The following TNFRSF19 variants were observed in gnomAD, a reference collection of about 807,000 sequenced individuals.
TNFRSF19 encodes the protein TNF receptor superfamily member 19, also known as tumor necrosis factor receptor superfamily member 19.
A neutral mutation model predicts 46.4 loss-of-function variants in TNFRSF19; 27 were observed. That is an observed-to-expected ratio of 0.58 (90% confidence interval 0.43 to 0.80). TNFRSF19 has a LOEUF of 0.80. Among genes scored for constraint, TNFRSF19 ranks in the 30% least tolerant of loss-of-function variants. The probability of loss-of-function intolerance (pLI) is 0.00; values close to 1 mark genes in which losing one functional copy is unlikely to be tolerated. For synonymous variants in TNFRSF19, 204 were observed against 205.0 expected (o/e 1.00, Z 0.04); for missense variants, 511 against 530.8 (o/e 0.96, Z 0.37).
chr13:23,596,168 A>G (rs1272959384), intron 3 of TNFRSF19, among the ~76,000 whole-genome samples: 1 of 152,222 alleles, frequency 6.6e-6, no homozygotes, highest in Non-Finnish European at 1.5e-5. Flanking sequence ...ACCAAATTGT[A>G]AAGACCATTG....
intron 4 of TNFRSF19, among the ~76,000 whole-genome samples, chr13:23,620,006 G>T (rs1175667169): frequency 6.6e-6 from 1 of 152,170 alleles, no homozygotes; most frequent in Non-Finnish European, 1.5e-5. Flanking sequence ...TTAGCTATAG[G>T]AAAGTTATAA....
Position 23,659,509 on chromosome 13 carries a change from T to C in TNFRSF19, c.610+295T>C, listed in dbSNP as rs1297257272. ...ATCTTGTTTATTATATGTTTCTTTG[T>C]TTTTTTGTTTTTTTGGAGACAGAGT... On this transcript the variant is annotated intron_variant, in intron 6 of 9. Coordinates refer to ENST00000248484, the MANE Select transcript of TNFRSF19 (RefSeq NM_148957.4). The surrounding 1 kb of genome is among the most constrained non-coding windows in gnomAD (Gnocchi z 4.9). 1.3e-5 allele frequency among the ~76,000 whole-genome samples: 2 copies of C among 152,036 alleles called. No individual in the cohort carries two copies. The highest frequency in any genetic ancestry group is 2.9e-5 in the Non-Finnish European group (2 of 67,994).
At chr13:23,580,380 C>T (rs930371295) in intron 1 of TNFRSF19, among the ~76,000 whole-genome samples, 1 of 150,056 alleles carries the variant, frequency 6.7e-6, no homozygotes, top group Non-Finnish European at 1.5e-5. Flanking sequence ...AGTTTTTACC[C>T]CATGACAGTT....
In TNFRSF19 at chr13:23,570,827, G is replaced by A. The variant is rs1337432225; in HGVS notation, c.-56G>A. 6.6e-6 allele frequency: 1 copy of A among 152,218 alleles called. No homozygotes were observed. The highest frequency in any genetic ancestry group is 1.9e-4 in the East Asian group (1 of 5,198). The allele number at this position is 152,218 out of a possible 1,614,324, so 9.4% of individuals were successfully genotyped here. On this transcript the variant is annotated 5_prime_UTR_variant, in exon 1 of 10. Transcript: ENST00000248484. ...GCATTTGGCACAGAAGTGCTGCCAG[G>A]AGAAACTAAGTTGCTGAACGGGTAA...
intron 4 of TNFRSF19, among the ~76,000 whole-genome samples, chr13:23,623,654 T>C (rs9578621): frequency 0.09 from 13,775 of 152,240 alleles, 711 homozygotes; most frequent in Middle Eastern, 0.12. Flanking sequence ...ACAGTAGCCA[T>C]CCTTATGGGT....
chr13:23,665,414 T>C (rs1490634256), intron 7 of TNFRSF19, among the ~76,000 whole-genome samples: 3 of 152,222 alleles, frequency 2.0e-5, no homozygotes, highest in Non-Finnish European at 4.4e-5. Context: ...GCCAATGCAC[T>C]GGTTCAGTGC....
chr13:23,649,381 C>G (rs1883509225), intron 5 of TNFRSF19, among the ~76,000 whole-genome samples: 1 of 151,984 alleles, frequency 6.6e-6, no homozygotes, highest in Non-Finnish European at 1.5e-5. Context: ...GTCTTATAAT[C>G]CTTTTTATTT....
chr13:23,644,093 T>C (rs563739141), intron 5 of TNFRSF19, among the ~76,000 whole-genome samples: 2 of 152,342 alleles, frequency 1.3e-5, no homozygotes, highest in Admixed American at 1.3e-4. Context: ...ACAAAAGGGC[T>C]GATAATTAGG....
rs368873223 is a variant in TNFRSF19 at position 23,572,296 on chromosome 13, C to T, written c.-35+1448C>T. On this transcript the variant is annotated intron_variant, in intron 1 of 9. Transcript: ENST00000248484. ...TTTTTTTTCTAAGAGTACAACAAAT[C>T]ATGTTCACAATATCCTGCAATATCG... 2.0e-5 allele frequency among the ~76,000 whole-genome samples: 3 copies of T among 151,864 alleles called. No individual in the cohort carries two copies. In the East Asian group the frequency reaches 5.8e-4, roughly 29 times the overall value.
intron 3 of TNFRSF19, among the ~76,000 whole-genome samples, chr13:23,598,076 G>A (rs1050281096): frequency 6.6e-5 from 10 of 152,092 alleles, no homozygotes; most frequent in African/African-American, 2.2e-4. Context: ...AATAAACTAG[G>A]TATTGATTGA....
rs116404074 is a variant in TNFRSF19 at position 23,671,959 on chromosome 13, A to G, written c.1246-1413A>G. Reference sequence around the variant, plus strand: ...TATCCATTCCACAGGTTTGTGTTCAATTAGCTTGGCTCCATGATGTGGGCT... The same window carrying G: ...TATCCATTCCACAGGTTTGTGTTCAGTTAGCTTGGCTCCATGATGTGGGCT... On this transcript the variant is annotated intron_variant, in intron 9 of 9. Transcript: ENST00000248484. 2.5e-3 allele frequency among the ~76,000 whole-genome samples: 382 copies of G among 152,334 alleles called. 2 individuals carry two copies. Among genetic ancestry groups the G allele is most frequent in the African/African-American group, 8.7e-3 (362 of 41,580 alleles).
At chr13:23,643,144 A>G (rs903629250) in intron 5 of TNFRSF19, among the ~76,000 whole-genome samples, 4 of 152,270 alleles carry the variant, frequency 2.6e-5, no homozygotes, top group African/African-American at 9.6e-5. Flanking sequence ...TCTCTCTGAG[A>G]GGAGATTTAA....
chr13:23,617,006 G>A (rs1881343303), intron 4 of TNFRSF19, among the ~76,000 whole-genome samples: 1 of 152,210 alleles, frequency 6.6e-6, no homozygotes, highest in South Asian at 2.1e-4. Flanking sequence ...CATGGCCACA[G>A]TGAGGGGCAG....
Position 23,626,932 on chromosome 13 carries a change from G to C in TNFRSF19, c.445+140G>C, listed in dbSNP as rs953297542. On this transcript the variant is annotated intron_variant, in intron 5 of 9. Coordinates refer to ENST00000248484, the MANE Select transcript of TNFRSF19 (RefSeq NM_148957.4). The stretch of plus-strand genomic sequence containing the variant: ...TGTACAGTGTGTCCTCTTTAATCAG[G>C]CTTCTGGCAGGACAGAAAGTCCCTT... 1.8e-5 allele frequency: 13 copies of C among 716,820 alleles called. No individual in the cohort carries two copies. In the Admixed American group the frequency reaches 2.7e-4, roughly 15 times the overall value. The allele number at this position is 716,820 out of a possible 1,614,324, so 44.4% of individuals were successfully genotyped here.
intron 4 of TNFRSF19, among the ~76,000 whole-genome samples, chr13:23,618,863 C>G (rs1881476695): frequency 6.6e-6 from 1 of 152,142 alleles, no homozygotes; most frequent in African/African-American, 2.4e-5. Context: ...ATGGGCCCTC[C>G]CCTCACAAAT....
chr13:23,573,917 C>T (rs1877786639), intron 1 of TNFRSF19, among the ~76,000 whole-genome samples: 1 of 151,904 alleles, frequency 6.6e-6, no homozygotes, highest in Non-Finnish European at 1.5e-5. Context: ...AAAAAATTAG[C>T]CGGACAAGGT....
intron 5 of TNFRSF19, among the ~76,000 whole-genome samples, chr13:23,640,185 C>G (rs1882949356): frequency 6.6e-6 from 1 of 151,748 alleles, no homozygotes; most frequent in East Asian, 1.9e-4. Flanking sequence ...GGAGGAGGTT[C>G]GCAATGGAAA....
At chr13:23,651,799 G>A (rs1401302042) in intron 5 of TNFRSF19, among the ~76,000 whole-genome samples, 2 of 135,206 alleles carry the variant, frequency 1.5e-5, no homozygotes, top group African/African-American at 2.8e-5. Context: ...GAATATACTG[G>A]TCTATACAGA....
At chr13:23,581,718 T>TTC (rs1878448791) in intron 1 of TNFRSF19, among the ~76,000 whole-genome samples, 1 of 152,180 alleles carries the variant, frequency 6.6e-6, no homozygotes, top group African/African-American at 2.4e-5. Flanking sequence ...TCTGCTAACA[T>TTC]TCATAAAAAG....
Sources: gnomAD v4.1 joint callset for allele counts (sites outside exome capture counted in the v4.1 genomes callset) on GRCh38, gnomAD v4.1.1 for gene constraint, Gnocchi (gnomAD v3.1) non-coding constraint, MANE v1.5 for transcripts, NCBI Gene and HGNC (gene_info 2026-07-23, HGNC 2026-07-21) for gene names.